Variants in CSMD1 observed in about 807,000 individuals in gnomAD.
The protein encoded by CSMD1 is CUB and sushi domain-containing protein 1.
A neutral mutation model predicts 417.5 loss-of-function variants in CSMD1; 213 were observed. The observed-to-expected ratio is 0.51, with a 90% confidence interval of 0.46 to 0.57. The LOEUF (loss-of-function observed/expected upper bound fraction) is 0.57. Among genes scored for constraint, CSMD1 ranks in the 20% least tolerant of loss-of-function variants. The probability of loss-of-function intolerance (pLI) is 0.00; values close to 1 mark genes in which losing one functional copy is unlikely to be tolerated. For missense variants in CSMD1, 6,923 were observed against 4,529.7 expected, an observed-to-expected ratio of 1.53 and a Z score of -15.17; for synonymous variants, 2,862 against 1,736.8, an observed-to-expected ratio of 1.65 and a Z score of -16.11.
At chr8:4,136,896 G>C (rs1045466086) in intron 3 of CSMD1, among the ~76,000 whole-genome samples, 3 of 152,122 alleles carry the variant, frequency 2.0e-5, no homozygotes, top group South Asian at 2.1e-4. Context: ...ACTTAACAAA[G>C]AAAACAGTCA....
chr8:4,172,317 C>T (rs114552253), intron 3 of CSMD1, among the ~76,000 whole-genome samples: 40 of 152,082 alleles, frequency 2.6e-4, no homozygotes, highest in African/African-American at 9.4e-4. Flanking sequence ...GTGTGGCTAC[C>T]GAGATATGAC....
At chr8:3,340,707 T>G (rs1006141505) in intron 23 of CSMD1, among the ~76,000 whole-genome samples, 1 of 152,182 alleles carries the variant, frequency 6.6e-6, no homozygotes, top group Non-Finnish European at 1.5e-5. Flanking sequence ...TACTTATATT[T>G]ACAACTAACA....
intron 3 of CSMD1, among the ~76,000 whole-genome samples, chr8:4,108,055 CA>C (rs1801660463): frequency 4.3e-4 from 1 of 2,320 alleles, no homozygotes; most frequent in African/African-American, 1.7e-3. Context: ...GAGACAGAGA[CA>C]GAGACAGAGA....
intron 1 of CSMD1, among the ~76,000 whole-genome samples, chr8:4,747,654 A>T (rs11136764): frequency 6.6e-6 from 1 of 151,964 alleles, no homozygotes; most frequent in Non-Finnish European, 1.5e-5. Context: ...CTTTATACTC[A>T]GTTGTTGATT....
chr8:4,970,106 T>A (rs932546191), intron 1 of CSMD1, among the ~76,000 whole-genome samples: 1 of 151,898 alleles, frequency 6.6e-6, no homozygotes, highest in South Asian at 2.1e-4. Flanking sequence ...ATATATAAAG[T>A]AATTGTATGT....
chr8:3,617,597 A>G (rs1352487529), intron 7 of CSMD1, among the ~76,000 whole-genome samples: 4 of 152,152 alleles, frequency 2.6e-5, no homozygotes, highest in African/African-American at 7.2e-5. Context: ...GTGCATATCT[A>G]TTTTACTCTG....
At chr8:4,099,670 T>G (rs2130873897) in intron 3 of CSMD1, among the ~76,000 whole-genome samples, 1 of 152,252 alleles carries the variant, frequency 6.6e-6, no homozygotes, top group Non-Finnish European at 1.5e-5. Context: ...GTCTGCTTAT[T>G]TAAATACAAA....
At chr8:3,307,397 C>T (rs1282998557) in intron 25 of CSMD1, among the ~76,000 whole-genome samples, 3 of 126,290 alleles carry the variant, frequency 2.4e-5, no homozygotes, top group Non-Finnish European at 3.4e-5. Flanking sequence ...ACAGCCCAGG[C>T]AACCCACGAA....
chr8:4,280,320 A>G (rs906753890), intron 3 of CSMD1, among the ~76,000 whole-genome samples: 1 of 152,212 alleles, frequency 6.6e-6, no homozygotes, highest in South Asian at 2.1e-4. Context: ...AAGAGAGTGG[A>G]TATGTTACCA....
chr8:3,101,172 G>C (rs558622061), intron 46 of CSMD1, among the ~76,000 whole-genome samples: 6 of 151,794 alleles, frequency 4.0e-5, no homozygotes, highest in African/African-American at 1.2e-4. Flanking sequence ...TCCTAGTCTA[G>C]CTTTCCAGCC....
intron 50 of CSMD1, among the ~76,000 whole-genome samples, chr8:3,032,948 T>C (rs1332279758): frequency 1.3e-5 from 2 of 152,106 alleles, no homozygotes; most frequent in Non-Finnish European, 2.9e-5. Context: ...CAAATTATGG[T>C]AAAAGTGCCA....
At chr8:3,865,796 C>G (rs1051530413) in intron 5 of CSMD1, among the ~76,000 whole-genome samples, 7 of 152,092 alleles carry the variant, frequency 4.6e-5, no homozygotes, top group African/African-American at 1.2e-4. Flanking sequence ...AAATAAGTGC[C>G]TCTTTTTTTG....
intron 2 of CSMD1, among the ~76,000 whole-genome samples, chr8:4,582,392 A>G (rs148462508): frequency 6.6e-6 from 1 of 152,308 alleles, no homozygotes; most frequent in East Asian, 1.9e-4. Flanking sequence ...CAAAGGAGAG[A>G]TTATCAGGGC....
rs529094146 is a variant in CSMD1 at position 4,371,348 on chromosome 8, T to C, written c.415+48605A>G. Among the ~76,000 whole-genome samples the C allele has an allele frequency of 1.6e-4, 24 of 152,302 alleles. 1 individual carries two copies. In the South Asian group the frequency reaches 5.0e-3, roughly 32 times the overall value. ...GCAACAGGCAAGTTAAAGTTTTAAA[T>C]GCAGGGTTTTGAGAGAAACTTCCTG... On this transcript the variant is annotated intron_variant, in intron 3 of 69. Transcript: ENST00000635120.
At chr8:3,543,073 G>C (rs759390461) in intron 10 of CSMD1, among the ~76,000 whole-genome samples, 5 of 152,184 alleles carry the variant, frequency 3.3e-5, no homozygotes, top group Non-Finnish European at 7.3e-5. Flanking sequence ...TTGACAACCA[G>C]TGCAAAGGGA....
intron 26 of CSMD1, among the ~76,000 whole-genome samples, chr8:3,247,961 C>A (rs1799995031): frequency 6.6e-6 from 1 of 152,162 alleles, no homozygotes; most frequent in Non-Finnish European, 1.5e-5. Flanking sequence ...ACAACCACCT[C>A]CCGAAATCTG....
At chr8:3,029,745 C>G (rs1006104794) in intron 50 of CSMD1, among the ~76,000 whole-genome samples, 9 of 151,380 alleles carry the variant, frequency 5.9e-5, no homozygotes, top group African/African-American at 2.2e-4. Flanking sequence ...AGTCTGCAGT[C>G]AGACTGAACT....
At chr8:4,950,963 A>G (rs1808705623) in intron 1 of CSMD1, among the ~76,000 whole-genome samples, 1 of 118,600 alleles carries the variant, frequency 8.4e-6, no homozygotes, top group Non-Finnish European at 1.7e-5. Flanking sequence ...GACTTGTGGT[A>G]AAAAAAACAA....
intron 6 of CSMD1, among the ~76,000 whole-genome samples, chr8:3,716,561 C>T (rs1359424313): frequency 6.6e-6 from 1 of 152,134 alleles, no homozygotes; most frequent in Non-Finnish European, 1.5e-5. Flanking sequence ...TCGTCCCCGT[C>T]TTGGTTTCGG....
Sources: gnomAD v4.1 joint callset for allele counts (sites outside exome capture counted in the v4.1 genomes callset) on GRCh38, gnomAD v4.1.1 for gene constraint, MANE v1.5 for transcripts, NCBI Gene and HGNC (gene_info 2026-07-23, HGNC 2026-07-21) for gene names.